WWC1: variants seen among roughly 807,000 people sequenced by gnomAD.
WWC1 encodes the protein WW and C2 domain containing 1, also known as protein KIBRA.
A neutral mutation model predicts 138.4 loss-of-function variants in WWC1; 55 were observed. That is an observed-to-expected ratio of 0.40 (90% CI 0.32 to 0.50). The LOEUF is 0.50. Ranked by LOEUF, WWC1 falls within the 20% of genes least tolerant of loss-of-function variation. The probability of loss-of-function intolerance (pLI) is 0.72; values close to 1 mark genes in which losing one functional copy is unlikely to be tolerated. For missense variants in WWC1, 1,226 were observed against 1,420.4 expected (o/e 0.86, Z 2.20); for synonymous variants, 524 against 564.9 (o/e 0.93, Z 1.03).
intron 1 of WWC1, among the ~76,000 whole-genome samples, chr5:168,323,897 C>T (rs181355249): frequency 2.5e-4 from 38 of 152,188 alleles, no homozygotes; most frequent in Admixed American, 1.9e-3. Context: ...CACAGGAGAA[C>T]AATAGGAATT....
At chr5:168,463,188 C>T (rs559843619) in intron 20 of WWC1, among the ~76,000 whole-genome samples, 1 of 152,308 alleles carries the variant, frequency 6.6e-6, no homozygotes, top group Non-Finnish European at 1.5e-5. Flanking sequence ...TTCCGCTGGT[C>T]AGGAGCTTAA....
chr5:168,402,195 A>G (rs1779358156), intron 5 of WWC1, among the ~76,000 whole-genome samples: 1 of 152,168 alleles, frequency 6.6e-6, no homozygotes, highest in South Asian at 2.1e-4. Flanking sequence ...AGGACAGATA[A>G]GACTCCATGG....
At chr5:168,373,853 T>C (rs534486753) in intron 2 of WWC1, among the ~76,000 whole-genome samples, 72 of 151,272 alleles carry the variant, frequency 4.8e-4, no homozygotes, top group Middle Eastern at 3.4e-3. Context: ...GAGACCATTC[T>C]GGCTAACAGA....
chr5:168,409,637 G>A (rs113217655), intron 7 of WWC1, among the ~76,000 whole-genome samples: 1 of 152,182 alleles, frequency 6.6e-6, no homozygotes, highest in Non-Finnish European at 1.5e-5. Context: ...GGCTTGAATG[G>A]GCACCAAGCC....
intron 12 of WWC1, 45 bp downstream of exon 12, chr5:168,428,186 G>C (rs1407518787): frequency 6.3e-7 from 1 of 1,577,668 alleles, no homozygotes; most frequent in South Asian, 1.1e-5. Flanking sequence ...TGTAAGCCAT[G>C]AACTCTGAAT....
chr5:168,360,715 G>A (rs1251099532), intron 1 of WWC1, among the ~76,000 whole-genome samples: 1 of 152,236 alleles, frequency 6.6e-6, no homozygotes, highest in Non-Finnish European at 1.5e-5. Flanking sequence ...TCTTCTTCCA[G>A]TGCTCTGTCT....
At position 168,347,063 on chromosome 5, in the gene WWC1, A is replaced by G. The variant is rs552297844; in HGVS notation, c.120-24361A>G. Among the ~76,000 whole-genome samples, 9 of 152,296 alleles carry G rather than the reference A, an allele frequency of 5.9e-5. No individual in the cohort carries two copies. The South Asian group carries it at 1.2e-3, about 21-fold the overall frequency. Reference sequence around the variant, plus strand: ...TCCTGGATCATTCTGAGTCTGTGACACTGGGCTCACACTCTGGGCTGCTCT... The same window carrying G: ...TCCTGGATCATTCTGAGTCTGTGACGCTGGGCTCACACTCTGGGCTGCTCT... On this transcript the variant is annotated intron_variant, in intron 1 of 22. Coordinates refer to ENST00000265293, the MANE Select transcript of WWC1 (RefSeq NM_015238.3).
intron 9 of WWC1, among the ~76,000 whole-genome samples, chr5:168,420,081 T>G (rs923907728): frequency 2.0e-5 from 3 of 152,230 alleles, no homozygotes; most frequent in Non-Finnish European, 4.4e-5. Context: ...CTCAGAATGT[T>G]GTGTGTACTC....
chr5:168,454,092 G>C lies in WWC1; in HGVS notation c.2650G>C (p.Ala884Pro). 6.2e-7 allele frequency: 1 copy of C among 1,612,900 alleles called. No homozygotes were observed. Among genetic ancestry groups the C allele is most frequent in the Non-Finnish European group, 8.5e-7 (1 of 1,179,852 alleles). ...KASPDMDGYP[A>P]LKVDKETNTE... ...CTCACCTGATATGGATGGGTACCCA[G>C]CATTAAAGGTAGGAAGGGCTGGGGG... The change falls in exon 18 of 23, where the codon GCA (alanine) becomes CCA (proline). Residue 884 changes from alanine to proline, a missense_variant. Physicochemically the swap from Ala to Pro is conservative, Grantham distance 27. Around this residue, in one of 3 missense-constraint regions of WWC1, gnomAD observed 1,016 missense variants for 1,153.9 expected, o/e 0.88. Transcript: ENST00000265293.
intron 21 of WWC1, among the ~76,000 whole-genome samples, chr5:168,466,260 A>G (rs927044830): frequency 1.3e-5 from 2 of 152,220 alleles, no homozygotes; most frequent in East Asian, 1.9e-4. Context: ...CCAGACTGCC[A>G]TGAAGAAATA....
chr5:168,440,359 G>A (rs1754635795), intron 15 of WWC1, among the ~76,000 whole-genome samples: 1 of 152,144 alleles, frequency 6.6e-6, no homozygotes, highest in Non-Finnish European at 1.5e-5. Context: ...TTGTTGGTGG[G>A]ATTATAAGCA....
intron 2 of WWC1, among the ~76,000 whole-genome samples, chr5:168,381,758 T>C (rs1236496638): frequency 2.1e-5 from 3 of 139,894 alleles, no homozygotes; most frequent in Non-Finnish European, 4.6e-5. Flanking sequence ...GGTTCAGGCT[T>C]TTTTTTTTTT....
intron 3 of WWC1, among the ~76,000 whole-genome samples, chr5:168,388,829 C>CAAA (rs879533142): frequency 7.4e-6 from 1 of 135,818 alleles, no homozygotes. Flanking sequence ...GACTCCATCT[C>CAAA]AAAAAAAAAA....
chr5:168,308,206 A>T (rs1770754927), intron 1 of WWC1, among the ~76,000 whole-genome samples: 1 of 152,204 alleles, frequency 6.6e-6, no homozygotes, highest in Non-Finnish European at 1.5e-5. Context: ...TAAAACTGAA[A>T]CCAAAGAAAG....
At chr5:168,431,466 CTGG>C in intron 15 of WWC1, 22 bp downstream of exon 15, 1 of 1,214,800 alleles carries the variant, frequency 8.2e-7, no homozygotes, top group East Asian at 3.2e-5. Flanking sequence ...GTCTGGCTGG[CTGG>C]CTGGCTGGCT....
intron 3 of WWC1, among the ~76,000 whole-genome samples, chr5:168,397,300 G>A (rs1290645916): frequency 6.6e-6 from 1 of 151,900 alleles, no homozygotes; most frequent in Non-Finnish European, 1.5e-5. Flanking sequence ...CCACCACCAT[G>A]CCCAGCTAAT....
intron 1 of WWC1, among the ~76,000 whole-genome samples, chr5:168,331,362 GC>G (rs1773018770): frequency 6.6e-6 from 1 of 152,138 alleles, no homozygotes. Context: ...GAAATGTTTG[GC>G]CCACATGGTT....
intron 1 of WWC1, among the ~76,000 whole-genome samples, chr5:168,342,639 C>T (rs759314427): frequency 6.6e-6 from 1 of 151,994 alleles, no homozygotes; most frequent in Non-Finnish European, 1.5e-5. Flanking sequence ...CTCACTAAGA[C>T]ATTGAGGTGG....
Position 168,455,460 on chromosome 5 carries a change from G to A in WWC1, c.2763G>A (p.Gly921=), listed in dbSNP as rs751179503. The change falls in exon 19 of 23, where the codon GGG becomes GGA. Residue 921 remains glycine, a synonymous_variant. Transcript: ENST00000265293. ...CGTCCCAGGGGCCATTTCTTCGAGGGAGCACCATCATCCGCTCTAAGACCT... is the reference window on the plus strand; with the variant it reads ...CGTCCCAGGGGCCATTTCTTCGAGGAAGCACCATCATCCGCTCTAAGACCT... ...GTPSQGPFLR[G]STIIRSKTFS... 1.9e-6 allele frequency: 3 copies of A among 1,612,964 alleles called. No homozygotes were observed. The South Asian group carries it at 3.3e-5, about 18-fold the overall frequency.
Sources: gnomAD v4.1 joint callset for allele counts (sites outside exome capture counted in the v4.1 genomes callset) on GRCh38, gnomAD v4.1.1 for gene constraint, gnomAD v4.1.1 regional missense constraint, MANE v1.5 for transcripts, NCBI Gene and HGNC (gene_info 2026-07-23, HGNC 2026-07-21) for gene names.